PDSS1: variants seen among roughly 807,000 people sequenced by gnomAD.
The protein encoded by PDSS1 is decaprenyl diphosphate synthase subunit 1, also known as all trans-polyprenyl-diphosphate synthase PDSS1.
PDSS1 carries 43 observed loss-of-function variants against 57.5 expected under a neutral mutation model. That is an observed-to-expected ratio of 0.75 (90% confidence interval 0.59 to 0.96). PDSS1 has a LOEUF of 0.96. Ranked by LOEUF, PDSS1 falls within the 50% of genes least tolerant of loss-of-function variation. The pLI is 0.00. For synonymous variants in PDSS1, 175 were observed against 191.3 expected (o/e 0.91, Z 0.70); for missense variants, 438 against 527.8 (o/e 0.83, Z 1.67).
chr10:26,745,619 G>A (rs1042556958), intron 11 of PDSS1, among the ~76,000 whole-genome samples: 1 of 152,184 alleles, frequency 6.6e-6, no homozygotes, highest in Non-Finnish European at 1.5e-5. Flanking sequence ...GGCCAAGGCA[G>A]GCAGATCACT....
chr10:26,709,649 A>C lies in PDSS1; in HGVS notation c.348A>C (p.Ile116=), dbSNP rs1835357512. 2 of 1,613,758 alleles carry C rather than the reference A, an allele frequency of 1.2e-6. No homozygotes were observed. Among genetic ancestry groups the C allele is most frequent in the Admixed American group, 1.7e-5 (1 of 59,994 alleles). Reference sequence around the variant, plus strand: ...AAACTTTATTTCAGGAACTGCTTATATCAACATCAGAACTTAAGGAAATGT... The same window carrying C: ...AAACTTTATTTCAGGAACTGCTTATCTCAACATCAGAACTTAAGGAAATGT... ...LYEDIRKELL[I]STSELKEMSE... The change falls in exon 5 of 12, where the codon ATA becomes ATC. Residue 116 remains isoleucine, a synonymous_variant. Transcript: ENST00000376215.
chr10:26,721,145 A>T (rs1275296012), intron 6 of PDSS1, among the ~76,000 whole-genome samples: 1 of 151,992 alleles, frequency 6.6e-6, no homozygotes, highest in Non-Finnish European at 1.5e-5. Context: ...GTCACCACTA[A>T]AAAAACACAA....
At chr10:26,744,822 G>A (rs545100485) in intron 11 of PDSS1, among the ~76,000 whole-genome samples, 3 of 152,298 alleles carry the variant, frequency 2.0e-5, no homozygotes, top group Admixed American at 2.0e-4. Flanking sequence ...AACTGGTATA[G>A]AAAATCAGAT....
intron 2 of PDSS1, among the ~76,000 whole-genome samples, chr10:26,703,396 A>G (rs1835105025): frequency 6.6e-6 from 1 of 152,204 alleles, no homozygotes. Flanking sequence ...CTGTAATTCC[A>G]GCACTTGGGG....
intron 8 of PDSS1, among the ~76,000 whole-genome samples, chr10:26,729,404 A>C (rs1273420246): frequency 6.6e-6 from 1 of 152,186 alleles, no homozygotes; most frequent in Non-Finnish European, 1.5e-5. Flanking sequence ...TTCTGTACCC[A>C]TCCATACTTA....
intron 4 of PDSS1, among the ~76,000 whole-genome samples, chr10:26,709,019 C>G (rs928690007): frequency 6.6e-6 from 1 of 152,034 alleles, no homozygotes; most frequent in African/African-American, 2.4e-5. Context: ...CCCAGAGTCC[C>G]TTAGCCACCT....
chr10:26,704,083 C>CAAAAAAAAAAAAAAAAA (rs1203931422), intron 2 of PDSS1, among the ~76,000 whole-genome samples: 367 of 30,920 alleles, frequency 0.012, 50 homozygotes, highest in African/African-American at 0.029. Flanking sequence ...CTCCGTCTCA[C>CAAAAAAAAAAAAAAAAA]AAAAAAAAAA....
At chr10:26,726,476 C>T (rs7073287) in intron 8 of PDSS1, among the ~76,000 whole-genome samples, 27,273 of 152,090 alleles carry the variant, frequency 0.18, 2,612 homozygotes, top group African/African-American at 0.21. Context: ...GCTATTTTTA[C>T]GTACTCTTGG....
At chr10:26,746,030 C>A (rs184722625) in intron 11 of PDSS1, among the ~76,000 whole-genome samples, 1 of 152,002 alleles carries the variant, frequency 6.6e-6, no homozygotes, top group Non-Finnish European at 1.5e-5. Context: ...ATACTTTGTA[C>A]ATAGAACTTC....
chr10:26,742,140 G>A (rs1229645685), intron 10 of PDSS1, among the ~76,000 whole-genome samples: 1 of 152,330 alleles, frequency 6.6e-6, no homozygotes, highest in South Asian at 2.1e-4. Context: ...GCCTCCCAGA[G>A]TGCTGGGATT....
At chr10:26,705,676 G>A (rs1363264782) in intron 4 of PDSS1, among the ~76,000 whole-genome samples, 5 of 152,066 alleles carry the variant, frequency 3.3e-5, no homozygotes, top group African/African-American at 1.2e-4. Context: ...GTTTTGCTAT[G>A]TTGGCCAGGC....
Position 26,735,510 on chromosome 10 carries a change from G to A in PDSS1, c.957G>A (p.Met319Ile). 2 of 1,613,954 alleles carry A rather than the reference G, an allele frequency of 1.2e-6. No homozygotes were observed. Among genetic ancestry groups the A allele is most frequent in the South Asian group, 1.1e-5 (1 of 91,080 alleles). ...VLDFTSCSDQ[M>I]GKPTSADLKL... ...ACTTCACCTCGTGTTCTGACCAGAT[G>A]GGCAAACCAACATCAGCTGATCTGA... The change falls in exon 10 of 12, where the codon ATG (methionine) becomes ATA (isoleucine). Residue 319 changes from methionine to isoleucine, a missense_variant. Met to Ile is a conservative substitution (Grantham distance 10). Coordinates refer to ENST00000376215, the MANE Select transcript of PDSS1 (RefSeq NM_014317.5).
chr10:26,721,031 C>T (rs564580238), intron 6 of PDSS1, among the ~76,000 whole-genome samples: 30 of 152,190 alleles, frequency 2.0e-4, no homozygotes, highest in African/African-American at 3.4e-4. Context: ...GCAGGCCAGG[C>T]GCAGTGGCTC....
intron 8 of PDSS1, among the ~76,000 whole-genome samples, chr10:26,730,749 C>T (rs1355839671): frequency 6.6e-6 from 1 of 152,218 alleles, no homozygotes; most frequent in African/African-American, 2.4e-5. Flanking sequence ...ACTTCTGGTT[C>T]CTCCTTCCTG....
intron 6 of PDSS1, among the ~76,000 whole-genome samples, chr10:26,721,062 T>C (rs1334856734): frequency 6.6e-6 from 1 of 152,048 alleles, no homozygotes; most frequent in African/African-American, 2.4e-5. Flanking sequence ...TCCCAGCACT[T>C]TGGGAGGCTG....
intron 6 of PDSS1, among the ~76,000 whole-genome samples, chr10:26,723,044 A>G (rs981645282): frequency 6.6e-6 from 1 of 152,038 alleles, no homozygotes; most frequent in African/African-American, 2.4e-5. Context: ...ACTAGCTGAG[A>G]TGATTCCTAG....
chr10:26,699,602 C>T (rs1834982092), intron 1 of PDSS1, among the ~76,000 whole-genome samples: 1 of 151,968 alleles, frequency 6.6e-6, no homozygotes, highest in African/African-American at 2.4e-5. Context: ...ACCATGTTGC[C>T]CAGGCTGGTC....
intron 4 of PDSS1, among the ~76,000 whole-genome samples, chr10:26,705,622 C>T (rs1178075475): frequency 3.3e-5 from 5 of 152,208 alleles, no homozygotes; most frequent in East Asian, 1.9e-4. Context: ...TATAGGCATG[C>T]GCCATCACAC....
chr10:26,738,179 A>G (rs558559409), intron 10 of PDSS1, among the ~76,000 whole-genome samples: 1 of 152,372 alleles, frequency 6.6e-6, no homozygotes, highest in South Asian at 2.1e-4. Flanking sequence ...AACAAGTTCC[A>G]AAAATAACGT....
Sources: allele counts gnomAD v4.1 joint callset (sites outside exome capture counted in the v4.1 genomes callset), GRCh38; gene constraint gnomAD v4.1.1; transcripts MANE v1.5; gene names NCBI Gene and HGNC (gene_info 2026-07-23, HGNC 2026-07-21).